DLGAP1: variants seen among roughly 807,000 people sequenced by gnomAD.
The protein encoded by DLGAP1 is DLG associated protein 1.
In DLGAP1, 11 loss-of-function variants were observed where a neutral mutation model predicts 90.8. The ratio of observed to expected loss-of-function variants is 0.12; its 90% CI spans 0.08 to 0.20. DLGAP1 has a LOEUF of 0.20. Among genes scored for constraint, DLGAP1 ranks in the 10% least tolerant of loss-of-function variants. The pLI is 1.00. For synonymous variants in DLGAP1, 558 were observed against 540.7 expected, an observed-to-expected ratio of 1.03 and a Z score of -0.44; for missense variants, 1,050 against 1,333.8, an observed-to-expected ratio of 0.79 and a Z score of 3.31.
At chr18:4,061,288 T>C (rs555447355) in intron 2 of DLGAP1, among the ~76,000 whole-genome samples, 90 of 152,330 alleles carry the variant, frequency 5.9e-4, no homozygotes, top group African/African-American at 2.1e-3. Flanking sequence ...GTGAATTTTT[T>C]TGCCTAGTTT....
chr18:4,434,324 G>C (rs1441898283), intron 1 of DLGAP1, among the ~76,000 whole-genome samples: 1 of 152,074 alleles, frequency 6.6e-6, no homozygotes, highest in Non-Finnish European at 1.5e-5. Flanking sequence ...GCAATGATTG[G>C]TTAACTGATT....
chr18:4,368,576 A>G (rs927361543), intron 1 of DLGAP1, among the ~76,000 whole-genome samples: 1 of 151,568 alleles, frequency 6.6e-6, no homozygotes, highest in Admixed American at 6.6e-5. Context: ...GCAGATTTAG[A>G]CTTGCCAGCC....
chr18:4,213,225 G>C (rs2077883737), intron 1 of DLGAP1, among the ~76,000 whole-genome samples: 4 of 152,154 alleles, frequency 2.6e-5, no homozygotes, highest in African/African-American at 4.8e-5. Context: ...TTTACTCTGA[G>C]GGCGAAGAGA....
At chr18:4,380,075 G>A (rs934600224) in intron 1 of DLGAP1, among the ~76,000 whole-genome samples, 1 of 152,104 alleles carries the variant, frequency 6.6e-6, no homozygotes, top group Non-Finnish European at 1.5e-5. Context: ...ACACACAAAT[G>A]TCCTTCCAGG....
intron 7 of DLGAP1, among the ~76,000 whole-genome samples, chr18:3,621,204 C>G (rs1446332630): frequency 6.6e-6 from 1 of 152,154 alleles, no homozygotes; most frequent in African/African-American, 2.4e-5. Flanking sequence ...CCTGCCCTGA[C>G]ATTATCTTCT....
chr18:3,640,220 A>C (rs190419591), intron 7 of DLGAP1, among the ~76,000 whole-genome samples: 6 of 152,336 alleles, frequency 3.9e-5, no homozygotes, highest in Non-Finnish European at 7.3e-5. Flanking sequence ...TTGACATAAA[A>C]GTCCTACTTA....
chr18:3,720,760 A>T (rs1456092729), intron 7 of DLGAP1, among the ~76,000 whole-genome samples: 1 of 151,882 alleles, frequency 6.6e-6, no homozygotes, highest in African/African-American at 2.4e-5. Context: ...CCATCATAAA[A>T]GTGCTTATGG....
intron 6 of DLGAP1, among the ~76,000 whole-genome samples, chr18:3,737,900 T>C (rs1240101882): frequency 4.7e-5 from 7 of 150,278 alleles, no homozygotes; most frequent in African/African-American, 1.7e-4. Flanking sequence ...AAAATCTCCT[T>C]AAGCTGATAA....
At chr18:4,354,887 CAAAAAAAAAAAAAAA>C (rs60379984) in intron 1 of DLGAP1, among the ~76,000 whole-genome samples, 741 of 23,858 alleles carry the variant, frequency 0.031, 16 homozygotes, top group African/African-American at 0.076. Flanking sequence ...TTACTCTCAC[CAAAAAAAAAAAAAAA>C]AAAAAAAAAA....
intron 4 of DLGAP1, among the ~76,000 whole-genome samples, chr18:3,831,048 TCATGGAGGAACA>T (rs1235719047): frequency 6.6e-6 from 1 of 152,208 alleles, no homozygotes; most frequent in East Asian, 1.9e-4. Context: ...CAAACAGGGA[TCATGGAGGAACA>T]CATCTCCGTG....
At chr18:4,086,706 A>G (rs935270397) in intron 2 of DLGAP1, among the ~76,000 whole-genome samples, 1 of 151,980 alleles carries the variant, frequency 6.6e-6, no homozygotes, top group African/African-American at 2.4e-5. Flanking sequence ...TTTGTTTTAT[A>G]GCCTACAATA....
intron 2 of DLGAP1, among the ~76,000 whole-genome samples, chr18:4,051,616 A>T (rs1178158665): frequency 6.6e-6 from 1 of 152,208 alleles, no homozygotes; most frequent in African/African-American, 2.4e-5. Context: ...GAGACACAGT[A>T]AAACCATATC....
intron 7 of DLGAP1, among the ~76,000 whole-genome samples, chr18:3,657,153 T>C (rs143399747): frequency 2.3e-3 from 354 of 152,342 alleles, no homozygotes; most frequent in African/African-American, 8.1e-3. Context: ...AAATAAATAA[T>C]ATTATCTAAT....
At chr18:4,345,688 A>G (rs890424869) in intron 1 of DLGAP1, among the ~76,000 whole-genome samples, 1 of 152,210 alleles carries the variant, frequency 6.6e-6, no homozygotes, top group Non-Finnish European at 1.5e-5. Flanking sequence ...AATATCTTCA[A>G]ATACATCAGC....
intron 2 of DLGAP1, among the ~76,000 whole-genome samples, chr18:4,021,187 C>T (rs901161692): frequency 1.3e-5 from 2 of 152,160 alleles, no homozygotes; most frequent in African/African-American, 4.8e-5. Flanking sequence ...GCGTGAATTA[C>T]TCTTTCTTTA....
chr18:4,361,488 G>A (rs530648900), intron 1 of DLGAP1, among the ~76,000 whole-genome samples: 1 of 152,268 alleles, frequency 6.6e-6, no homozygotes, highest in East Asian at 1.9e-4. Flanking sequence ...AGGGTGCCAA[G>A]ACCATTCAGT....
At chr18:4,093,075 A>G (rs1335625574) in intron 2 of DLGAP1, among the ~76,000 whole-genome samples, 2 of 152,120 alleles carry the variant, frequency 1.3e-5, no homozygotes, top group African/African-American at 4.8e-5. Flanking sequence ...CATTTATGAC[A>G]TGGTAGTTTA....
intron 1 of DLGAP1, among the ~76,000 whole-genome samples, chr18:4,200,549 T>A (rs2077589091): frequency 6.6e-6 from 1 of 151,580 alleles, no homozygotes; most frequent in East Asian, 1.9e-4. Context: ...CTGTTCCTAA[T>A]ATTTATACCT....
chr18:4,246,410 C>T (rs144348791), intron 1 of DLGAP1, among the ~76,000 whole-genome samples: 12 of 152,272 alleles, frequency 7.9e-5, no homozygotes, highest in African/African-American at 2.9e-4. Flanking sequence ...CATAAAAGTG[C>T]ACACTAACTG....
Sources: allele counts gnomAD v4.1 joint callset (sites outside exome capture counted in the v4.1 genomes callset), GRCh38; gene constraint gnomAD v4.1.1; transcripts MANE v1.5; gene names NCBI Gene and HGNC (gene_info 2026-07-23, HGNC 2026-07-21).